NECAB1: variants seen among roughly 807,000 people sequenced by gnomAD.
NECAB1 encodes the protein N-terminal EF-hand calcium binding protein 1.
A neutral mutation model predicts 57.5 loss-of-function variants in NECAB1; 29 were observed. That is an observed-to-expected ratio of 0.50 (90% CI 0.38 to 0.69). NECAB1 has a LOEUF of 0.69. NECAB1 is among the 30% of genes least tolerant of loss of function. NECAB1 has a pLI of 0.00. For synonymous variants in NECAB1, 142 were observed against 147.7 expected, an observed-to-expected ratio of 0.96 and a Z score of 0.28; for missense variants, 372 against 413.8, an observed-to-expected ratio of 0.90 and a Z score of 0.88.
chr8:90,854,791 T>C (rs1018794225), intron 3 of NECAB1, among the ~76,000 whole-genome samples: 1 of 152,338 alleles, frequency 6.6e-6, no homozygotes, highest in East Asian at 1.9e-4. Context: ...TCTAAGTACA[T>C]GTTAATGAGC....
At chr8:90,804,788 C>T (rs1027524015) in intron 2 of NECAB1, among the ~76,000 whole-genome samples, 38 of 152,170 alleles carry the variant, frequency 2.5e-4, no homozygotes, top group Non-Finnish European at 4.6e-4. Flanking sequence ...TGGAGGGAAG[C>T]AGAGTCAGGC....
At chr8:90,937,043 A>C (rs1009188294) in intron 9 of NECAB1, among the ~76,000 whole-genome samples, 1 of 152,202 alleles carries the variant, frequency 6.6e-6, no homozygotes, top group African/African-American at 2.4e-5. Flanking sequence ...TTGAAGAAGA[A>C]GGAAGAAAAG....
At chr8:90,866,202 C>T (rs574754886) in intron 3 of NECAB1, among the ~76,000 whole-genome samples, 3 of 152,272 alleles carry the variant, frequency 2.0e-5, no homozygotes, top group African/African-American at 7.2e-5. Context: ...CTCAAATTAT[C>T]TTTATGAATT....
chr8:90,944,503 A>C (rs369510258), intron 10 of NECAB1, among the ~76,000 whole-genome samples: 7 of 152,352 alleles, frequency 4.6e-5, no homozygotes, highest in African/African-American at 1.7e-4. Flanking sequence ...CTTATTTTGT[A>C]ATCATGAAGG....
rs184025550 is a variant in NECAB1 at position 90,875,277 on chromosome 8, C to T, written c.259+3124C>T. Among the ~76,000 whole-genome samples, 765 of 150,250 alleles carry T rather than the reference C, an allele frequency of 5.1e-3. 11 individuals carry two copies. The highest frequency in any genetic ancestry group is 0.018 in the African/African-American group (723 of 40,860). On this transcript the variant is annotated intron_variant, in intron 4 of 12. Transcript: ENST00000417640. ...CGGGTGGATCATGAGGTCAGGAGAT[C>T]GAGACCATCCTGGCTAACAAGGTGA...
At chr8:90,829,260 G>C (rs1440368740) in intron 3 of NECAB1, among the ~76,000 whole-genome samples, 1 of 152,026 alleles carries the variant, frequency 6.6e-6, no homozygotes, top group Non-Finnish European at 1.5e-5. Flanking sequence ...ACCAGTTAAA[G>C]AGCAAGAATA....
At chr8:90,927,212 T>TTTTTTG (rs1241022998) in intron 7 of NECAB1, among the ~76,000 whole-genome samples, 6 of 150,424 alleles carry the variant, frequency 4.0e-5, no homozygotes, top group African/African-American at 1.2e-4. Flanking sequence ...CTCTTTTTTT[T>TTTTTTG]TTTTTTGTAG....
intron 5 of NECAB1, among the ~76,000 whole-genome samples, chr8:90,904,606 G>T (rs1169845257): frequency 1.3e-5 from 2 of 151,894 alleles, no homozygotes; most frequent in Non-Finnish European, 2.9e-5. Context: ...AAATAGAAAA[G>T]AAGTTAAGAG....
rs536955625 is a variant in NECAB1 at position 90,826,127 on chromosome 8, A to G, written c.233+1302A>G. Among the ~76,000 whole-genome samples the G allele has an allele frequency of 2.0e-5, 3 of 151,932 alleles. No homozygotes were observed. In the East Asian group the frequency reaches 5.8e-4, roughly 30 times the overall value. Reference sequence around the variant, plus strand: ...CTTAGGTAAAGAAAGGGGTGGGGAGAAGAATATTCTAATCAGAGGGAGAAG... The same window carrying G: ...CTTAGGTAAAGAAAGGGGTGGGGAGGAGAATATTCTAATCAGAGGGAGAAG... On this transcript the variant is annotated intron_variant, in intron 3 of 12. Coordinates refer to ENST00000417640, the MANE Select transcript of NECAB1 (RefSeq NM_022351.5).
At chr8:90,806,868 A>G (rs1443053457) in intron 2 of NECAB1, 1 of 152,124 alleles carries the variant, frequency 6.6e-6, no homozygotes, top group Non-Finnish European at 1.5e-5. Context: ...TATTTTCCCT[A>G]TTTTTTAAGT....
At chr8:90,908,041 T>A (rs1369863083) in intron 5 of NECAB1, among the ~76,000 whole-genome samples, 1 of 152,140 alleles carries the variant, frequency 6.6e-6, no homozygotes, top group Non-Finnish European at 1.5e-5. Flanking sequence ...AGCACAGAGA[T>A]CATATATGAT....
At chr8:90,955,178 T>C (rs1317605002) in intron 12 of NECAB1, among the ~76,000 whole-genome samples, 12 of 135,588 alleles carry the variant, frequency 8.9e-5, no homozygotes, top group Admixed American at 1.6e-4. Flanking sequence ...GTTGGGTAGA[T>C]TCTAATAAGA....
chr8:90,932,234 T>C (rs1177366050), intron 8 of NECAB1, among the ~76,000 whole-genome samples: 2 of 152,188 alleles, frequency 1.3e-5, no homozygotes, highest in Non-Finnish European at 2.9e-5. Context: ...TCAATTCACA[T>C]CTGTATACAT....
chr8:90,901,235 T>TA (rs34105450), intron 5 of NECAB1, among the ~76,000 whole-genome samples: 51,652 of 144,762 alleles, frequency 0.36, 9,927 homozygotes, highest in East Asian at 0.68. Flanking sequence ...GTCTCTCTGT[T>TA]AAAAAAAAAA....
intron 2 of NECAB1, among the ~76,000 whole-genome samples, chr8:90,811,331 A>AT (rs5893134): frequency 1 from 152,281 of 152,282 alleles, 76,140 homozygotes; most frequent in Non-Finnish European, 1. Context: ...AGCATCAATA[A>AT]TTTCAATGCG....
chr8:90,935,337 G>A (rs1810509304), intron 9 of NECAB1, among the ~76,000 whole-genome samples: 1 of 152,148 alleles, frequency 6.6e-6, no homozygotes. Context: ...AATCATGGCT[G>A]CTACTGTTAG....
Position 90,824,790 on chromosome 8 carries a change from C to G in NECAB1, c.198C>G (p.His66Gln). The change falls in exon 3 of 13, where the codon CAC becomes CAG. Residue 66 changes from histidine to glutamine, a missense_variant. By Grantham distance (24) the His-to-Gln change is conservative. Transcript: ENST00000417640. ...ADGVLSGEELHELFHTIDTHN... is the reference protein window; with the variant it reads ...ADGVLSGEELQELFHTIDTHN... Reference sequence around the variant, plus strand: ...GTGTTCTCAGTGGAGAAGAATTACACGAGCTTTTCCATACCATTGATACAC... The same window carrying G: ...GTGTTCTCAGTGGAGAAGAATTACAGGAGCTTTTCCATACCATTGATACAC... 6.5e-7 allele frequency: 1 copy of G among 1,549,092 alleles called. No individual in the cohort carries two copies. The highest frequency in any genetic ancestry group is 8.7e-7 in the Non-Finnish European group (1 of 1,143,960).
intron 5 of NECAB1, among the ~76,000 whole-genome samples, chr8:90,881,836 T>C (rs1293050249): frequency 6.6e-6 from 1 of 152,114 alleles, no homozygotes; most frequent in East Asian, 1.9e-4. Flanking sequence ...AGATAAGACA[T>C]CTAATTCATG....
chr8:90,887,475 G>A (rs1014181052), intron 5 of NECAB1, among the ~76,000 whole-genome samples: 9 of 152,180 alleles, frequency 5.9e-5, no homozygotes, highest in East Asian at 3.9e-4. Flanking sequence ...CTATTCTTAC[G>A]TATTTTTAAC....
Sources: gnomAD v4.1 joint callset for allele counts (sites outside exome capture counted in the v4.1 genomes callset) on GRCh38, gnomAD v4.1.1 for gene constraint, MANE v1.5 for transcripts, NCBI Gene and HGNC (gene_info 2026-07-23, HGNC 2026-07-21) for gene names.